Variants in LSAMP observed in about 807,000 individuals in gnomAD.
The protein encoded by LSAMP is limbic system associated membrane protein, also known as limbic system-associated membrane protein.
Under a neutral mutation model 38.6 loss-of-function variants are expected in LSAMP, and 7 were observed. The observed-to-expected ratio is 0.18, with a 90% CI of 0.10 to 0.34. The LOEUF (loss-of-function observed/expected upper bound fraction) is 0.34, where lower values mean the gene tolerates loss of function less well. LSAMP is among the 10% of genes least tolerant of loss of function. LSAMP has a pLI of 1.00. For synonymous variants in LSAMP, 154 were observed against 166.8 expected (o/e 0.92, Z 0.59); for missense variants, 313 against 420.0 (o/e 0.75, Z 2.23).
At chr3:116,325,003 A>G (rs1559828580) in intron 1 of LSAMP, among the ~76,000 whole-genome samples, 1 of 151,988 alleles carries the variant, frequency 6.6e-6, no homozygotes, top group Admixed American at 6.6e-5. Context: ...TCAAGATGAT[A>G]TCTTTAAAAA....
intron 3 of LSAMP, among the ~76,000 whole-genome samples, chr3:115,971,201 T>A (rs992534709): frequency 9.9e-5 from 15 of 152,182 alleles, no homozygotes; most frequent in African/African-American, 3.4e-4. Context: ...ACACTTCCTT[T>A]TGAAAGTTCA....
intron 1 of LSAMP, among the ~76,000 whole-genome samples, chr3:116,387,505 C>T (rs1391201046): frequency 6.6e-6 from 1 of 152,034 alleles, no homozygotes; most frequent in Non-Finnish European, 1.5e-5. Flanking sequence ...ATATGTGCAA[C>T]TATGTATCAA....
chr3:116,001,960 TTCTG>T (rs1409575425), intron 3 of LSAMP, among the ~76,000 whole-genome samples: 1 of 152,232 alleles, frequency 6.6e-6, no homozygotes, highest in Non-Finnish European at 1.5e-5. Flanking sequence ...GGGGTCATTA[TTCTG>T]TCTATCACCC....
intron 3 of LSAMP, among the ~76,000 whole-genome samples, chr3:115,974,021 G>T (rs1181814427): frequency 6.6e-6 from 1 of 152,124 alleles, no homozygotes; most frequent in East Asian, 1.9e-4. Context: ...AACGCTGAAG[G>T]TATGGATCTG....
At chr3:115,851,554 T>A (rs1476609097) in intron 4 of LSAMP, among the ~76,000 whole-genome samples, 1 of 152,164 alleles carries the variant, frequency 6.6e-6, no homozygotes, top group Non-Finnish European at 1.5e-5. Context: ...AGACATGAGA[T>A]GACAGAAAGT....
chr3:116,413,256 TA>T (rs2049004602), intron 1 of LSAMP, among the ~76,000 whole-genome samples: 1 of 151,906 alleles, frequency 6.6e-6, no homozygotes, highest in Admixed American at 6.6e-5. Context: ...TATATATATA[TA>T]TATCATATTT....
chr3:115,808,875 G>A lies in LSAMP; in HGVS notation c.*1442C>T, dbSNP rs1001456567. 2.6e-5 allele frequency: 4 copies of A among 152,188 alleles called. No homozygotes were observed. The highest frequency in any genetic ancestry group is 1.3e-4 in the Admixed American group (2 of 15,278). 9.4% of individuals were successfully genotyped at this position (152,188 alleles called of 1,614,324 possible). A position where few individuals can be genotyped will look rare whatever the true frequency, so the allele number is the denominator to read the frequency against. ...TACAGTAGGAGCCTGGGCATCTGTT[G>A]ACTTTTTCTGCCTTGCTCACTTTCA... On this transcript the variant is annotated 3_prime_UTR_variant, in exon 7 of 7. Coordinates refer to ENST00000490035, the MANE Select transcript of LSAMP (RefSeq NM_002338.5).
At chr3:116,192,826 G>T (rs1424141352) in intron 1 of LSAMP, among the ~76,000 whole-genome samples, 2 of 152,118 alleles carry the variant, frequency 1.3e-5, no homozygotes, top group African/African-American at 2.4e-5. Context: ...GACCTTTTCA[G>T]CTCTGAAAGC....
At chr3:116,341,158 T>C (rs1051961649) in intron 1 of LSAMP, among the ~76,000 whole-genome samples, 5 of 152,030 alleles carry the variant, frequency 3.3e-5, no homozygotes, top group Admixed American at 1.3e-4. Context: ...TATGAAAATA[T>C]AGAAATATCA....
intron 2 of LSAMP, among the ~76,000 whole-genome samples, chr3:116,073,577 C>T (rs1358334739): frequency 6.6e-6 from 1 of 152,154 alleles, no homozygotes; most frequent in Non-Finnish European, 1.5e-5. Context: ...TTTGTGTCCT[C>T]TCTGATTTCC....
chr3:116,269,791 AAG>A (rs2046945618), intron 1 of LSAMP, among the ~76,000 whole-genome samples: 2 of 152,146 alleles, frequency 1.3e-5, no homozygotes, highest in Non-Finnish European at 2.9e-5. Flanking sequence ...TCAATTGATC[AAG>A]ATCACAAATG....
chr3:116,149,814 C>G (rs1384841063), intron 1 of LSAMP, among the ~76,000 whole-genome samples: 1 of 151,944 alleles, frequency 6.6e-6, no homozygotes, highest in Non-Finnish European at 1.5e-5. Flanking sequence ...ATAAAAGGCT[C>G]TATGAGTGAC....
At chr3:115,824,269 T>C (rs1934337708) in intron 6 of LSAMP, among the ~76,000 whole-genome samples, 1 of 152,210 alleles carries the variant, frequency 6.6e-6, no homozygotes, top group African/African-American at 2.4e-5. Flanking sequence ...AGACATGCAG[T>C]TTCTGTCTTA....
chr3:116,341,702 C>T (rs73861634), intron 1 of LSAMP, among the ~76,000 whole-genome samples: 3,110 of 151,910 alleles, frequency 0.02, 110 homozygotes, highest in African/African-American at 0.072. Context: ...GATGCTATTT[C>T]GAATTGAATA....
At chr3:116,366,013 TAAAAAAAAAAAAAA>T (rs67452614) in intron 1 of LSAMP, among the ~76,000 whole-genome samples, 3 of 28,686 alleles carry the variant, frequency 1.0e-4, no homozygotes, top group African/African-American at 3.9e-4. Flanking sequence ...TAGAGTATAA[TAAAAAAAAAAAAAA>T]AAAAAAAAAA....
chr3:116,385,270 C>CATCA lies in LSAMP; in HGVS notation c.155+59603_155+59606dup, dbSNP rs544425100. On this transcript the variant is annotated intron_variant, in intron 1 of 6. Coordinates refer to ENST00000490035, the MANE Select transcript of LSAMP (RefSeq NM_002338.5). The stretch of plus-strand genomic sequence containing the variant: ...ATATTCTGGATTCAGTTTCTATATA[C>CATCA]ATCACTCGAGAAAGTTGGTTAAAAT... 2.6e-3 allele frequency among the ~76,000 whole-genome samples: 391 copies of CATCA among 152,264 alleles called. 1 individual carries two copies. Among genetic ancestry groups the CATCA allele is most frequent in the Non-Finnish European group, 4.4e-3 (299 of 68,016 alleles).
chr3:116,231,612 A>C (rs1161023163), intron 1 of LSAMP, among the ~76,000 whole-genome samples: 5 of 152,220 alleles, frequency 3.3e-5, no homozygotes, highest in Non-Finnish European at 7.3e-5. Context: ...CACCAGAAAA[A>C]CAAAAGCTAA....
rs1025064082 is a variant in LSAMP at position 115,917,885 on chromosome 3, T to C, written c.515-65268A>G. On this transcript the variant is annotated intron_variant, in intron 3 of 6. Transcript: ENST00000490035. ...GCTGCCTCACCAACTTCCATAAATA[T>C]AAAAATTATCTCTGTCCTTCAGAAA... Among the ~76,000 whole-genome samples, 37 of 152,340 alleles carry C rather than the reference T, an allele frequency of 2.4e-4. 1 individual carries two copies. The highest frequency in any genetic ancestry group is 4.1e-4 in the South Asian group (2 of 4,832).
At chr3:116,084,133 CAT>C (rs1211524775) in intron 2 of LSAMP, among the ~76,000 whole-genome samples, 1 of 151,930 alleles carries the variant, frequency 6.6e-6, no homozygotes, top group Non-Finnish European at 1.5e-5. Context: ...CAAGCTTTTG[CAT>C]ATATATAAAA....
Sources: gnomAD v4.1 joint callset for allele counts (sites outside exome capture counted in the v4.1 genomes callset) on GRCh38, gnomAD v4.1.1 for gene constraint, MANE v1.5 for transcripts, NCBI Gene and HGNC (gene_info 2026-07-23, HGNC 2026-07-21) for gene names.